Variants in NCAM2 observed in about 807,000 individuals in gnomAD.
The protein encoded by NCAM2 is N-CAM-2.
A neutral mutation model predicts 98.1 loss-of-function variants in NCAM2; 30 were observed. The ratio of observed to expected loss-of-function variants is 0.31; its 90% CI spans 0.23 to 0.41. The LOEUF is 0.41. Ranked by LOEUF, NCAM2 falls within the 10% of genes least tolerant of loss-of-function variation. NCAM2 has a pLI of 1.00. For synonymous variants in NCAM2, 368 were observed against 342.4 expected (o/e 1.07, Z -0.83); for missense variants, 867 against 1,005.8 (o/e 0.86, Z 1.87).
intron 1 of NCAM2, among the ~76,000 whole-genome samples, chr21:21,169,339 TAGAA>T (rs1271158662): frequency 6.6e-6 from 1 of 152,022 alleles, no homozygotes; most frequent in Non-Finnish European, 1.5e-5. Flanking sequence ...ATAAAACTCA[TAGAA>T]AGAAGATAAC....
chr21:21,537,909 A>G lies in NCAM2; in HGVS notation c.2466A>G (p.Lys822=). ...TAAATCCAGAAACTATAGAAATTAA[A>G]GTTTCTAACGACATCATTCAATCAA... is the stretch of plus-strand genomic sequence containing the variant. ...EALNPETIEI[K]VSNDIIQSKE... Residue 822 remains lysine (K), a synonymous_variant, in exon 18 of 18, where the codon AAA becomes AAG. Transcript: ENST00000400546. 1.3e-6 allele frequency: 2 copies of G among 1,584,206 alleles called. No homozygotes were observed. Among genetic ancestry groups the G allele is most frequent in the South Asian group, 1.2e-5 (1 of 86,030 alleles).
chr21:21,481,517 G>T (rs888949461), intron 15 of NCAM2, among the ~76,000 whole-genome samples: 1 of 152,196 alleles, frequency 6.6e-6, no homozygotes, highest in Non-Finnish European at 1.5e-5. Context: ...GCAGAGAATT[G>T]TATGTGAGGT....
At chr21:21,384,403 G>A (rs1019395254) in intron 9 of NCAM2, among the ~76,000 whole-genome samples, 4 of 151,512 alleles carry the variant, frequency 2.6e-5, no homozygotes, top group African/African-American at 9.7e-5. Context: ...TGAGTCTCTA[G>A]CAGTCTAGTT....
At chr21:21,038,004 C>T (rs1480998824) in intron 1 of NCAM2, among the ~76,000 whole-genome samples, 1 of 152,082 alleles carries the variant, frequency 6.6e-6, no homozygotes, top group Non-Finnish European at 1.5e-5. Flanking sequence ...CTGCTTTGCA[C>T]ATGCTTTGCA....
intron 1 of NCAM2, among the ~76,000 whole-genome samples, chr21:21,106,331 G>GAAAAAAAAAAAAAAAAAAAAAAAAAAAAA (rs2066348710): frequency 2.2e-5 from 2 of 90,630 alleles, no homozygotes; most frequent in Non-Finnish European, 2.1e-5. Context: ...AAAAAAAAAG[G>GAAAAAAAAAAAAAAAAAAAAAAAAAAAAA]AACAGCCAAA....
intron 4 of NCAM2, among the ~76,000 whole-genome samples, chr21:21,289,455 G>A (rs1006860102): frequency 2.0e-5 from 3 of 151,900 alleles, no homozygotes; most frequent in African/African-American, 7.2e-5. Context: ...TGTCAAAGAT[G>A]CCTGCCAGGA....
Position 21,537,655 on chromosome 21 carries a change from G to A in NCAM2, c.2403-191G>A, listed in dbSNP as rs1602586208. Among the ~76,000 whole-genome samples the A allele has an allele frequency of 4.6e-5, 7 of 151,938 alleles. No individual in the cohort carries two copies. In the East Asian group the frequency reaches 1.4e-3, roughly 29 times the overall value. ...TCTTTTTAAATCTATTTTATATTAT[G>A]TTAATAAATTTAATTTTTCCTTTCT... On this transcript the variant is annotated intron_variant, in intron 17 of 17. Coordinates refer to ENST00000400546, the MANE Select transcript of NCAM2 (RefSeq NM_004540.5).
chr21:21,375,283 C>T (rs1471162563), intron 9 of NCAM2, among the ~76,000 whole-genome samples: 2 of 149,596 alleles, frequency 1.3e-5, no homozygotes, highest in Non-Finnish European at 3.0e-5. Flanking sequence ...CTGTAACAAC[C>T]TTTTTAAAAC....
At position 21,023,327 on chromosome 21, in the gene NCAM2, CAGCCTG is replaced by C. The variant is rs780066550; in HGVS notation, c.55+24711_55+24716del. 3.3e-5 allele frequency among the ~76,000 whole-genome samples: 5 copies of C among 152,106 alleles called. No homozygotes were observed. In the East Asian group the frequency reaches 7.8e-4, roughly 24 times the overall value. On this transcript the variant is annotated intron_variant, in intron 1 of 17. Transcript: ENST00000400546. The stretch of plus-strand genomic sequence containing the variant: ...TCACTTGAGGTCAGGAGTTTGAAAC[CAGCCTG>C]ACCAACATGGTGGAATCCCGTCTCT...
At chr21:21,315,139 T>C (rs2074181556) in intron 5 of NCAM2, among the ~76,000 whole-genome samples, 1 of 152,170 alleles carries the variant, frequency 6.6e-6, no homozygotes, top group Non-Finnish European at 1.5e-5. Context: ...TTTCTTGGTT[T>C]TATATTCAGA....
At chr21:21,065,656 G>A (rs1187392451) in intron 1 of NCAM2, among the ~76,000 whole-genome samples, 6 of 152,022 alleles carry the variant, frequency 3.9e-5, no homozygotes, top group African/African-American at 1.4e-4. Context: ...AATTCATTGA[G>A]GATGGCTATT....
chr21:21,342,746 A>T (rs973568969), intron 8 of NCAM2, among the ~76,000 whole-genome samples: 1 of 152,248 alleles, frequency 6.6e-6, no homozygotes, highest in Non-Finnish European at 1.5e-5. Flanking sequence ...AGGATTCACA[A>T]TCATATTGTA....
chr21:21,323,285 C>T (rs1161843484), intron 5 of NCAM2, among the ~76,000 whole-genome samples: 1 of 152,086 alleles, frequency 6.6e-6, no homozygotes, highest in East Asian at 1.9e-4. Flanking sequence ...ACTTTAGAGA[C>T]AACATGTCAG....
At chr21:21,477,526 T>A in intron 15 of NCAM2, 55 bp downstream of exon 15, 1 of 1,309,752 alleles carries the variant, frequency 7.6e-7, no homozygotes, top group Non-Finnish European at 1.0e-6. Flanking sequence ...TACCACCTTT[T>A]TATAACCCTT....
At chr21:21,001,954 T>C (rs1374610617) in intron 1 of NCAM2, among the ~76,000 whole-genome samples, 2 of 151,648 alleles carry the variant, frequency 1.3e-5, no homozygotes, top group Admixed American at 6.6e-5. Flanking sequence ...GTTTGAAGAT[T>C]ACAGGAGAGA....
chr21:21,020,676 T>C (rs2064415465), intron 1 of NCAM2, among the ~76,000 whole-genome samples: 1 of 152,198 alleles, frequency 6.6e-6, no homozygotes, highest in South Asian at 2.1e-4. Flanking sequence ...TCCCATAACC[T>C]GTGTTACCAG....
At chr21:21,156,489 A>C (rs112250995) in intron 1 of NCAM2, among the ~76,000 whole-genome samples, 2 of 151,996 alleles carry the variant, frequency 1.3e-5, no homozygotes. Flanking sequence ...TTGCTTGATA[A>C]TCCTATGAAA....
chr21:21,148,645 C>T (rs921266099), intron 1 of NCAM2, among the ~76,000 whole-genome samples: 4 of 151,988 alleles, frequency 2.6e-5, no homozygotes, highest in South Asian at 4.1e-4. Context: ...TTTTGAGAGA[C>T]GCTTTTTTAG....
chr21:21,062,212 G>A (rs2065336975), intron 1 of NCAM2, among the ~76,000 whole-genome samples: 1 of 152,180 alleles, frequency 6.6e-6, no homozygotes, highest in African/African-American at 2.4e-5. Context: ...TATAAACAAA[G>A]TTGAAGGATA....
Sources: gnomAD v4.1 joint callset for allele counts (sites outside exome capture counted in the v4.1 genomes callset) on GRCh38, gnomAD v4.1.1 for gene constraint, MANE v1.5 for transcripts, NCBI Gene and HGNC (gene_info 2026-07-23, HGNC 2026-07-21) for gene names.